CABIN1: variants seen among roughly 807,000 people sequenced by gnomAD.
CABIN1 encodes the protein calcineurin-binding protein cabin-1.
Under a neutral mutation model 227.7 loss-of-function variants are expected in CABIN1, and 133 were observed. The ratio of observed to expected loss-of-function variants is 0.58; its 90% CI spans 0.51 to 0.67. The LOEUF is 0.67. CABIN1 is among the 30% of genes least tolerant of loss of function. The pLI is 0.00. For missense variants in CABIN1, 2,408 were observed against 2,852.5 expected (o/e 0.84, Z 3.55); for synonymous variants, 1,086 against 1,155.1 (o/e 0.94, Z 1.21).
At chr22:24,073,700 C>T (rs1299758769) in intron 18 of CABIN1, among the ~76,000 whole-genome samples, 1 of 151,954 alleles carries the variant, frequency 6.6e-6, no homozygotes, top group African/African-American at 2.4e-5. Flanking sequence ...TGAGTTGAGC[C>T]CTGAAGGAAG....
chr22:24,038,256 C>A, intron 3 of CABIN1, 92 bp from the exon 4 acceptor site: 1 of 952,306 alleles, frequency 1.1e-6, no homozygotes. Context: ...ATGGTTGGTT[C>A]CTCTGACTGT....
chr22:24,159,810 C>G (rs935702123), intron 29 of CABIN1, among the ~76,000 whole-genome samples: 2 of 152,158 alleles, frequency 1.3e-5, no homozygotes, highest in Non-Finnish European at 2.9e-5. Flanking sequence ...CCCTGAGGCA[C>G]CCATGGTGCT....
At chr22:24,061,491 A>T (rs575372374) in intron 12 of CABIN1, among the ~76,000 whole-genome samples, 1 of 152,368 alleles carries the variant, frequency 6.6e-6, no homozygotes, top group Non-Finnish European at 1.5e-5. Flanking sequence ...CAGCAGGAGG[A>T]ACCAGGGCTT....
intron 10 of CABIN1, among the ~76,000 whole-genome samples, chr22:24,057,868 T>G (rs1444312511): frequency 1.3e-5 from 2 of 152,228 alleles, no homozygotes; most frequent in African/African-American, 4.8e-5. Flanking sequence ...GGATTGTTCT[T>G]TGGTTGATGG....
At chr22:24,157,411 C>T (rs2045898467) in intron 29 of CABIN1, among the ~76,000 whole-genome samples, 1 of 152,168 alleles carries the variant, frequency 6.6e-6, no homozygotes, top group African/African-American at 2.4e-5. Context: ...TGCTGCCCAG[C>T]CGGCCTGGCT....
chr22:24,136,524 A>ATTTTTTTTTTTTTTGTT (rs2044417555), intron 29 of CABIN1, among the ~76,000 whole-genome samples: 1 of 69,894 alleles, frequency 1.4e-5, no homozygotes, highest in Non-Finnish European at 2.7e-5. Flanking sequence ...TAATTTTTGT[A>ATTTTTTTTTTTTTTGTT]TTTTTTTTTT....
At chr22:24,146,328 T>G (rs1334429673) in intron 29 of CABIN1, among the ~76,000 whole-genome samples, 1 of 152,212 alleles carries the variant, frequency 6.6e-6, no homozygotes, top group Non-Finnish European at 1.5e-5. Flanking sequence ...AGCAAACTTG[T>G]GTGGATTCTA....
intron 6 of CABIN1, among the ~76,000 whole-genome samples, chr22:24,048,714 T>C (rs2038088990): frequency 6.6e-6 from 1 of 152,218 alleles, no homozygotes; most frequent in Non-Finnish European, 1.5e-5. Flanking sequence ...GCCCTGTGCC[T>C]GGCTATTTCC....
chr22:24,035,155 G>GA (rs1235863268), intron 1 of CABIN1, among the ~76,000 whole-genome samples: 1 of 152,082 alleles, frequency 6.6e-6, no homozygotes, highest in Admixed American at 6.5e-5. Flanking sequence ...TTCAGGTTTT[G>GA]AAAAAAATAA....
At chr22:24,012,407 C>A (rs975279167) in intron 1 of CABIN1, among the ~76,000 whole-genome samples, 8 of 152,086 alleles carry the variant, frequency 5.3e-5, no homozygotes, top group African/African-American at 1.9e-4. Context: ...GCTTGCAGAA[C>A]CCTCATCTAG....
At chr22:24,096,640 A>G (rs1306115558) in intron 25 of CABIN1, among the ~76,000 whole-genome samples, 1 of 152,292 alleles carries the variant, frequency 6.6e-6, no homozygotes, top group East Asian at 1.9e-4. Flanking sequence ...CTTTCACTCC[A>G]GGCCCAGGTC....
In CABIN1 at chr22:24,056,260, G is replaced by A; in HGVS notation, c.1162G>A (p.Glu388Lys). 6.2e-7 allele frequency: 1 copy of A among 1,614,052 alleles called. No individual in the cohort carries two copies. Among genetic ancestry groups the A allele is most frequent in the Non-Finnish European group, 8.5e-7 (1 of 1,179,944 alleles). The change falls in exon 10 of 37, where the codon GAA becomes AAA. Residue 388 changes from glutamate to lysine, a missense_variant. Physicochemically the swap from Glu to Lys is moderately conservative, Grantham distance 56. Transcript: ENST00000263119. The stretch of plus-strand genomic sequence containing the variant: ...GAAGAAGATTTCAGAAGAGAGTGGA[G>A]AAACAGCAAAGCGGCGGTCTGCCCG... ...KRKKISEESG[E>K]TAKRRSARVR... is the part of the protein sequence containing the mutation.
chr22:24,123,494 AC>A (rs961098786), intron 28 of CABIN1, among the ~76,000 whole-genome samples: 1 of 152,078 alleles, frequency 6.6e-6, no homozygotes, highest in African/African-American at 2.4e-5. Flanking sequence ...TGTTTGCTTC[AC>A]CCAGAAACCT....
intron 28 of CABIN1, among the ~76,000 whole-genome samples, chr22:24,123,120 C>G (rs913803656): frequency 6.6e-6 from 1 of 152,148 alleles, no homozygotes; most frequent in Non-Finnish European, 1.5e-5. Flanking sequence ...CCAGGGTAGG[C>G]GGGCCAGTTG....
intron 24 of CABIN1, among the ~76,000 whole-genome samples, chr22:24,093,679 G>C (rs1039453618): frequency 1.1e-4 from 17 of 152,152 alleles, no homozygotes; most frequent in African/African-American, 3.9e-4. Flanking sequence ...GGATCTCAGA[G>C]ACTAGCGGGC....
chr22:24,119,465 C>G lies in CABIN1; in HGVS notation c.4399C>G (p.Pro1467Ala), dbSNP rs779418438. The G allele has an allele frequency of 1.2e-6, 2 of 1,613,960 alleles. No individual in the cohort carries two copies. Among genetic ancestry groups the G allele is most frequent in the African/African-American group, 2.7e-5 (2 of 74,928 alleles). The change falls in exon 28 of 37, where the codon CCT becomes GCT. Residue 1467 changes from proline to alanine, a missense_variant. This residue lies in a region of CABIN1 where 649 missense variants were observed against 910.3 expected (regional missense o/e 0.71). Transcript: ENST00000263119. ...AAETPASACI[P>A]GKPSASTPTL... is the part of the protein sequence containing the mutation. ...AGAAACCCCAGCCTCTGCTTGCATCCCTGGCAAGCCCTCAGCATCCACACC... is the reference window on the plus strand; with the variant it reads ...AGAAACCCCAGCCTCTGCTTGCATCGCTGGCAAGCCCTCAGCATCCACACC...
chr22:24,172,126 G>A (rs557396476), intron 34 of CABIN1, 131 bp downstream of exon 34: 17 of 1,168,502 alleles, frequency 1.5e-5, no homozygotes, highest in Admixed American at 1.4e-4. Context: ...ACAGGGTGGC[G>A]GGGCAGGTGA....
intron 29 of CABIN1, among the ~76,000 whole-genome samples, chr22:24,150,548 G>A (rs1037734314): frequency 6.6e-6 from 1 of 152,210 alleles, no homozygotes; most frequent in Non-Finnish European, 1.5e-5. Flanking sequence ...GGGTGTGGAG[G>A]CCCGAGTGCT....
Position 24,178,579 on chromosome 22 carries a change from T to C in CABIN1, c.*383T>C. 1 of 301,334 alleles carries C rather than the reference T, an allele frequency of 3.3e-6. No individual in the cohort carries two copies. Among genetic ancestry groups the C allele is most frequent in the South Asian group, 3.5e-5 (1 of 28,968 alleles). 18.7% of individuals were successfully genotyped at this position (301,334 alleles called of 1,614,324 possible). A position where few individuals can be genotyped will look rare whatever the true frequency, so the allele number is the denominator to read the frequency against. ...GTGGAGGGGTCCTTTAGGGCCAGGC[T>C]CACCCCTCACCCTTTTTTTGGTTGC... On this transcript the variant is annotated 3_prime_UTR_variant, in exon 37 of 37. Transcript: ENST00000263119.
Sources: allele counts gnomAD v4.1 joint callset (sites outside exome capture counted in the v4.1 genomes callset), GRCh38; gene constraint gnomAD v4.1.1; regional missense constraint gnomAD v4.1.1; transcripts MANE v1.5; gene names NCBI Gene and HGNC (gene_info 2026-07-23, HGNC 2026-07-21).